HCRTR2: variants seen among roughly 807,000 people sequenced by gnomAD.
HCRTR2 encodes orexin receptor type 2.
HCRTR2 carries 22 observed loss-of-function variants against 49.0 expected under a neutral mutation model. That is an observed-to-expected ratio of 0.45 (90% confidence interval 0.32 to 0.64). The LOEUF (loss-of-function observed/expected upper bound fraction) is 0.64. Among genes scored for constraint, HCRTR2 ranks in the 30% least tolerant of loss-of-function variants. HCRTR2 has a pLI of 0.04. For synonymous variants in HCRTR2, 236 were observed against 205.3 expected (o/e 1.15, Z -1.28); for missense variants, 491 against 559.4 (o/e 0.88, Z 1.23).
At chr6:55,245,162 T>C (rs1000564263) in intron 1 of HCRTR2, among the ~76,000 whole-genome samples, 1 of 151,816 alleles carries the variant, frequency 6.6e-6, no homozygotes, top group African/African-American at 2.4e-5. Context: ...ATAGCCACAG[T>C]CTTTAAATAT....
At chr6:55,180,486 A>G (rs1765112619) in intron 1 of HCRTR2, among the ~76,000 whole-genome samples, 1 of 152,236 alleles carries the variant, frequency 6.6e-6, no homozygotes, top group Non-Finnish European at 1.5e-5. Flanking sequence ...TCATTTGATA[A>G]GCCAATCAAG....
At chr6:55,131,370 A>G (rs984574620) in intron 1 of HCRTR2, among the ~76,000 whole-genome samples, 1 of 151,812 alleles carries the variant, frequency 6.6e-6, no homozygotes, top group Admixed American at 6.6e-5. Flanking sequence ...CAAACATTCA[A>G]ATTCTAGATG....
intron 1 of HCRTR2, among the ~76,000 whole-genome samples, chr6:55,147,227 C>T (rs895407939): frequency 4.6e-5 from 7 of 151,814 alleles, no homozygotes; most frequent in Non-Finnish European, 8.8e-5. Flanking sequence ...TTTGTGAATT[C>T]ATATTTGGAT....
intron 1 of HCRTR2, among the ~76,000 whole-genome samples, chr6:55,153,677 A>C (rs904249146): frequency 1.3e-5 from 2 of 151,950 alleles, no homozygotes; most frequent in African/African-American, 4.8e-5. Context: ...TTATGATTCA[A>C]ATTTGCTTTG....
chr6:55,264,789 A>T (rs1450455722), intron 4 of HCRTR2, among the ~76,000 whole-genome samples: 1 of 152,092 alleles, frequency 6.6e-6, no homozygotes, highest in Non-Finnish European at 1.5e-5. Flanking sequence ...CTTACTGCCG[A>T]TACTTACTTT....
intron 1 of HCRTR2, among the ~76,000 whole-genome samples, chr6:55,221,699 A>C (rs113972853): frequency 6.6e-6 from 1 of 151,614 alleles, no homozygotes; most frequent in South Asian, 2.1e-4. Flanking sequence ...TGTAGTCCCA[A>C]CTACTCAGGA....
At chr6:55,249,802 T>C (rs1440347601) in intron 2 of HCRTR2, among the ~76,000 whole-genome samples, 2 of 152,216 alleles carry the variant, frequency 1.3e-5, no homozygotes, top group African/African-American at 2.4e-5. Flanking sequence ...TCCTAAAAGA[T>C]GGATTTCCCT....
chr6:55,224,086 A>G (rs1765950584), intron 1 of HCRTR2, among the ~76,000 whole-genome samples: 1 of 152,184 alleles, frequency 6.6e-6, no homozygotes, highest in African/African-American at 2.4e-5. Flanking sequence ...AGTATTCTTT[A>G]GTCTTAATTT....
intron 6 of HCRTR2, among the ~76,000 whole-genome samples, chr6:55,281,854 A>C (rs955721601): frequency 1.3e-5 from 2 of 152,326 alleles, no homozygotes; most frequent in East Asian, 1.9e-4. Context: ...TTTGTATGAC[A>C]TAAGTTTCAT....
At chr6:55,171,498 A>G (rs1235538046), upstream of HCRTR2, among the ~76,000 whole-genome samples, 2 of 152,210 alleles carry the variant, frequency 1.3e-5, no homozygotes, top group East Asian at 3.8e-4. Context: ...AGATCTAAGG[A>G]AGATATTCAC....
chr6:55,196,679 A>G (rs773949838), intron 1 of HCRTR2, among the ~76,000 whole-genome samples: 3 of 152,166 alleles, frequency 2.0e-5, no homozygotes, highest in Admixed American at 2.0e-4. Context: ...GAACCAACCT[A>G]TATGATTCAG....
At chr6:55,155,610 C>T (rs1419199256) in intron 1 of HCRTR2, among the ~76,000 whole-genome samples, 1 of 151,912 alleles carries the variant, frequency 6.6e-6, no homozygotes, top group Non-Finnish European at 1.5e-5. Context: ...TCTCTGAATT[C>T]CCAAGGCCTA....
intron 1 of HCRTR2, among the ~76,000 whole-genome samples, chr6:55,152,652 G>T (rs1232163418): frequency 6.6e-6 from 1 of 151,890 alleles, no homozygotes; most frequent in Admixed American, 6.6e-5. Flanking sequence ...CTTTTTTGGG[G>T]TGGTATCCTC....
rs1341147323 is a variant in HCRTR2 at position 55,213,500 on chromosome 6, T to C, written c.224-35139T>C. On this transcript the variant is annotated intron_variant, in intron 1 of 6. Coordinates refer to ENST00000370862, the MANE Select transcript of HCRTR2 (RefSeq NM_001384272.1). The stretch of plus-strand genomic sequence containing the variant: ...GAACCACTGACTCAAAAATGACAAA[T>C]GGAAAAAATTTACTTTCTGAGAAAT... Among the ~76,000 whole-genome samples the C allele has an allele frequency of 2.4e-4, 37 of 151,940 alleles. 1 individual carries two copies. Among genetic ancestry groups the C allele is most frequent in the Non-Finnish European group, 1.5e-5 (1 of 67,984 alleles).
At chr6:55,283,623 GA>G (rs1205786905), downstream of HCRTR2, among the ~76,000 whole-genome samples, 3 of 152,012 alleles carry the variant, frequency 2.0e-5, no homozygotes, top group Non-Finnish European at 4.4e-5. Context: ...TTATTCCCCT[GA>G]AAAATTCTTC....
intron 1 of HCRTR2, among the ~76,000 whole-genome samples, chr6:55,143,620 C>G (rs12055621): frequency 2.8e-4 from 43 of 152,242 alleles, no homozygotes; most frequent in African/African-American, 9.9e-4. Context: ...ATAATAATAG[C>G]TAACATTTAT....
At chr6:55,145,417 G>GTT (rs11284230) in intron 1 of HCRTR2, among the ~76,000 whole-genome samples, 3 of 128,714 alleles carry the variant, frequency 2.3e-5, no homozygotes, top group African/African-American at 5.6e-5. Flanking sequence ...TTTTTTGTTT[G>GTT]TTTTTTTTTT....
At chr6:55,210,701 G>C (rs553466329) in intron 1 of HCRTR2, among the ~76,000 whole-genome samples, 1 of 152,072 alleles carries the variant, frequency 6.6e-6, no homozygotes, top group Non-Finnish European at 1.5e-5. Flanking sequence ...ATAAGGAACT[G>C]TCTCTAGGCT....
intron 1 of HCRTR2, among the ~76,000 whole-genome samples, chr6:55,149,843 T>C (rs1210123488): frequency 6.6e-6 from 1 of 152,064 alleles, no homozygotes; most frequent in Non-Finnish European, 1.5e-5. Context: ...TGTACTTGGC[T>C]TTCAGAACTT....
Sources: gnomAD v4.1 joint callset for allele counts (sites outside exome capture counted in the v4.1 genomes callset) on GRCh38, gnomAD v4.1.1 for gene constraint, MANE v1.5 for transcripts, NCBI Gene and HGNC (gene_info 2026-07-23, HGNC 2026-07-21) for gene names.